DST: variants seen among roughly 807,000 people sequenced by gnomAD.
DST encodes the protein dystonin, also known as bullous pemphigoid antigen.
DST carries 253 observed loss-of-function variants against 875.2 expected under a neutral mutation model. The ratio of observed to expected loss-of-function variants is 0.29; its 90% CI spans 0.26 to 0.32. The LOEUF (loss-of-function observed/expected upper bound fraction) is 0.32, where lower values mean the gene tolerates loss of function less well. Among genes scored for constraint, DST ranks in the 10% least tolerant of loss-of-function variants. The probability of loss-of-function intolerance (pLI) is 1.00; values close to 1 mark genes in which losing one functional copy is unlikely to be tolerated. For synonymous variants in DST, 3,124 were observed against 3,197.1 expected (o/e 0.98, Z 0.77); for missense variants, 8,287 against 9,111.6 (o/e 0.91, Z 3.68).
chr6:56,619,142 T>C lies in DST; in HGVS notation c.4930-4658A>G. 1 of 1,613,980 alleles carries C rather than the reference T, an allele frequency of 6.2e-7. No individual in the cohort carries two copies. The highest frequency in any genetic ancestry group is 8.5e-7 in the Non-Finnish European group (1 of 1,179,982). On this transcript the variant is annotated intron_variant, in intron 36 of 103. Transcript: ENST00000680361. ...CTCTGTTTTTGTCTGTTTATGCAAG[T>C]GTTCATTTGTGCTGCGTAGCTGATC...
intron 78 of DST, 117 bp from the exon 79 acceptor site, chr6:56,501,810 C>A: frequency 1.5e-6 from 1 of 674,900 alleles, no homozygotes; most frequent in Non-Finnish European, 2.3e-6. Flanking sequence ...GGAGGTGACG[C>A]AAAGTAAAAA....
At chr6:56,654,594 A>ATATATATATATATATATATATATATATC (rs1563484165) in intron 10 of DST, among the ~76,000 whole-genome samples, 2 of 149,662 alleles carry the variant, frequency 1.3e-5, no homozygotes, top group African/African-American at 5.1e-5. Flanking sequence ...GGCTATATAT[A>ATATATATATATATATATATATATATATC]TATATATATA....
rs946927457 is a variant in DST at position 56,532,657 on chromosome 6, G to C, written c.16942-147C>G. The C allele has an allele frequency of 2.1e-5, 16 of 773,290 alleles. No individual in the cohort carries two copies. In the East Asian group the frequency reaches 2.2e-4, roughly 11 times the overall value. 47.9% of individuals were successfully genotyped at this position (773,290 alleles called of 1,614,324 possible). A position where few individuals can be genotyped will look rare whatever the true frequency, so the allele number is the denominator to read the frequency against. On this transcript the variant is annotated intron_variant, in intron 63 of 103. Transcript: ENST00000680361. ...AGGATCTGAAAAGCGAGATTTTAAA[G>C]GTAACTCATTTGTTTAATGATTTAT...
At chr6:56,617,694 T>G (rs1194661666) in intron 36 of DST, among the ~76,000 whole-genome samples, 1 of 152,198 alleles carries the variant, frequency 6.6e-6, no homozygotes, top group Non-Finnish European at 1.5e-5. Context: ...AGCTAACTGC[T>G]TGGTTCTTCT....
Position 56,607,043 on chromosome 6 carries a change from T to G in DST, c.7585A>C (p.Asn2529His), listed in dbSNP as rs534076012. The G allele has an allele frequency of 6.2e-7, 1 of 1,613,356 alleles. No homozygotes were observed. The highest frequency in any genetic ancestry group is 8.5e-7 in the Non-Finnish European group (1 of 1,179,606). The change falls in exon 40 of 104, where the codon AAT (asparagine) becomes CAT (histidine). Residue 2529 changes from asparagine (N) to histidine (H), a missense_variant. Coordinates refer to ENST00000680361, the MANE Select transcript of DST (RefSeq NM_001374736.1). ...GTTTTTTCATCCTCACCAGAAGTATTTGAAATGTATTTATCATTGTGATAT... is the reference window on the plus strand; with the variant it reads ...GTTTTTTCATCCTCACCAGAAGTATGTGAAATGTATTTATCATTGTGATAT... ...VQYHNDKYIS[N>H]TSGEDEKTHP...
chr6:56,601,476 C>T lies in DST; in HGVS notation c.11508G>A (p.Gln3836=), dbSNP rs751364918. 3.7e-6 allele frequency: 6 copies of T among 1,602,862 alleles called. No homozygotes were observed. The East Asian group carries it at 1.1e-4, about 30-fold the overall frequency. Residue 3836 remains glutamine (Q), a synonymous_variant, in exon 44 of 104, where the codon CAG becomes CAA. Coordinates refer to ENST00000680361, the MANE Select transcript of DST (RefSeq NM_001374736.1). ...CATCAAGATCTTGTTCTAGATGTAA[C>T]TGAGTCTCTAAACGTTCCACCTGGG... ...VTTQVERLET[Q]LHLEQDLDDQ... is the part of the protein sequence containing the mutation.
At chr6:56,686,549 T>A (rs973448669) in intron 9 of DST, among the ~76,000 whole-genome samples, 2 of 152,202 alleles carry the variant, frequency 1.3e-5, no homozygotes, top group Non-Finnish European at 2.9e-5. Context: ...CTACCTTATC[T>A]AAGAAGGCTA....
At position 56,635,680 on chromosome 6, in the gene DST, A is replaced by G. The variant is rs199657045; in HGVS notation, c.3095T>C (p.Leu1032Ser). Residue 1032 changes from leucine (L) to serine (S), a missense_variant, in exon 24 of 104, where the codon TTA becomes TCA. Coordinates refer to ENST00000680361, the MANE Select transcript of DST (RefSeq NM_001374736.1). ...FNDAKEATDY[L>S]RNLKDAIQRK... Reference sequence around the variant, plus strand: ...CTGAATGGCATCTTTTAGATTCCTTAAGTAATCAGTAGCTTCTTTGGCATC... The same window carrying G: ...CTGAATGGCATCTTTTAGATTCCTTGAGTAATCAGTAGCTTCTTTGGCATC... The G allele has an allele frequency of 2.8e-5, 45 of 1,613,860 alleles. No individual in the cohort carries two copies. In the East Asian group the frequency reaches 9.4e-4, roughly 34 times the overall value.
chr6:56,863,452 T>G (rs139929517), intron 3 of DST, among the ~76,000 whole-genome samples: 178 of 152,334 alleles, frequency 1.2e-3, no homozygotes, highest in African/African-American at 4.1e-3. Context: ...TGAAGTAAAT[T>G]CACTCATTCT....
chr6:56,741,682 A>G (rs2099547253), intron 4 of DST, among the ~76,000 whole-genome samples: 1 of 152,218 alleles, frequency 6.6e-6, no homozygotes. Flanking sequence ...TTTTCCAATT[A>G]CAAGTCTCAT....
chr6:56,893,782 T>C (rs1387824703), intron 3 of DST, among the ~76,000 whole-genome samples: 1 of 45,034 alleles, frequency 2.2e-5, no homozygotes, highest in Non-Finnish European at 3.8e-5. Flanking sequence ...TACTTAAGAT[T>C]AGGGAGTGGT....
chr6:56,836,631 A>G (rs2099793862), intron 4 of DST, among the ~76,000 whole-genome samples: 7 of 151,996 alleles, frequency 4.6e-5, no homozygotes, highest in Admixed American at 4.6e-4. Context: ...CGGGCGGATC[A>G]CGAGGTCAGG....
At chr6:56,687,846 A>G (rs187678657) in intron 9 of DST, among the ~76,000 whole-genome samples, 16 of 152,310 alleles carry the variant, frequency 1.1e-4, no homozygotes, top group South Asian at 6.2e-4. Context: ...GACAGCACAA[A>G]CATTTTTAAA....
rs370394407 is a variant in DST, at chr6:56,809,255, G to A, written c.625+42142C>T. On this transcript the variant is annotated intron_variant, in intron 4 of 103. Transcript: ENST00000680361. Reference sequence around the variant, plus strand: ...CAAAGTCAATCTCATCAGTCACAAAGTATTCAAGGAATGGGTCTGGTATCA... The same window carrying A: ...CAAAGTCAATCTCATCAGTCACAAAATATTCAAGGAATGGGTCTGGTATCA... Among the ~76,000 whole-genome samples the A allele has an allele frequency of 6.6e-5, 10 of 152,240 alleles. No homozygotes were observed. In the East Asian group the frequency reaches 1.5e-3, roughly 23 times the overall value.
intron 4 of DST, among the ~76,000 whole-genome samples, chr6:56,758,601 G>A (rs568876562): frequency 2.7e-4 from 41 of 152,316 alleles, no homozygotes; most frequent in African/African-American, 8.7e-4. Flanking sequence ...CAACAGCTGG[G>A]TGGCTTGACC....
At chr6:56,908,098 TACACAC>T (rs66523804) in intron 2 of DST, among the ~76,000 whole-genome samples, 2 of 150,494 alleles carry the variant, frequency 1.3e-5, no homozygotes, top group Non-Finnish European at 3.0e-5. Context: ...TATATATATA[TACACAC>T]ACACACACAC....
chr6:56,459,895 C>T (rs553554191), intron 103 of DST, among the ~76,000 whole-genome samples: 1 of 152,204 alleles, frequency 6.6e-6, no homozygotes, highest in Admixed American at 6.5e-5. Context: ...GGTAGAATAC[C>T]ACTGTATATT....
chr6:56,686,453 G>A (rs1289754107), intron 9 of DST, among the ~76,000 whole-genome samples: 1 of 152,054 alleles, frequency 6.6e-6, no homozygotes, highest in Admixed American at 6.5e-5. Flanking sequence ...TTTTTAAATG[G>A]TTCCTTCCAA....
At chr6:56,707,043 A>G (rs2099343921) in intron 5 of DST, among the ~76,000 whole-genome samples, 1 of 152,148 alleles carries the variant, frequency 6.6e-6, no homozygotes, top group African/African-American at 2.4e-5. Flanking sequence ...TCATGCTCCT[A>G]TGAGAATCTA....
Sources: gnomAD v4.1 joint callset for allele counts (sites outside exome capture counted in the v4.1 genomes callset) on GRCh38, gnomAD v4.1.1 for gene constraint, MANE v1.5 for transcripts, NCBI Gene and HGNC (gene_info 2026-07-23, HGNC 2026-07-21) for gene names.